Variants in SHISA6 observed in about 807,000 individuals in gnomAD.
The protein encoded by SHISA6 is shisa family member 6, also known as protein shisa-6.
A neutral mutation model predicts 47.9 loss-of-function variants in SHISA6; 22 were observed. The observed-to-expected ratio is 0.46, with a 90% CI of 0.33 to 0.66. The LOEUF (loss-of-function observed/expected upper bound fraction) is 0.66. Ranked by LOEUF, SHISA6 falls within the 30% of genes least tolerant of loss-of-function variation. The pLI is 0.02. For synonymous variants in SHISA6, 388 were observed against 337.8 expected (o/e 1.15, Z -1.63); for missense variants, 680 against 764.6 (o/e 0.89, Z 1.30).
At chr17:11,251,658 T>A (rs758761374) in intron 1 of SHISA6, among the ~76,000 whole-genome samples, 168 of 152,306 alleles carry the variant, frequency 1.1e-3, no homozygotes, top group Non-Finnish European at 1.5e-3. Context: ...GCATCGTGCA[T>A]GCAAGACACA....
At chr17:11,300,149 CAA>C (rs56060137) in intron 2 of SHISA6, among the ~76,000 whole-genome samples, 1,716 of 129,160 alleles carry the variant, frequency 0.013, 34 homozygotes, top group African/African-American at 0.045. Context: ...CATCTTAAAA[CAA>C]AAAAAAAAAA....
intron 2 of SHISA6, among the ~76,000 whole-genome samples, chr17:11,299,167 A>T (rs1909843000): frequency 6.6e-6 from 1 of 152,190 alleles, no homozygotes; most frequent in East Asian, 1.9e-4. Context: ...TGTCATTGTG[A>T]CCTCTAGTAC....
chr17:11,378,655 C>A (rs1912899185), intron 2 of SHISA6, among the ~76,000 whole-genome samples: 1 of 152,124 alleles, frequency 6.6e-6, no homozygotes, highest in South Asian at 2.1e-4. Flanking sequence ...GAATTTCTAT[C>A]CACAATCCTA....
At chr17:11,362,295 A>G (rs773752658) in intron 2 of SHISA6, among the ~76,000 whole-genome samples, 3 of 152,066 alleles carry the variant, frequency 2.0e-5, no homozygotes, top group Admixed American at 2.0e-4. Flanking sequence ...ACGTATCACA[A>G]CACTCAGCTA....
intron 2 of SHISA6, among the ~76,000 whole-genome samples, chr17:11,294,736 A>G (rs916186806): frequency 6.6e-6 from 1 of 152,162 alleles, no homozygotes; most frequent in Non-Finnish European, 1.5e-5. Flanking sequence ...AACCTTATAT[A>G]TACCCTGCAC....
intron 3 of SHISA6, among the ~76,000 whole-genome samples, chr17:11,443,417 A>C (rs1263505232): frequency 2.6e-5 from 4 of 152,216 alleles, no homozygotes; most frequent in African/African-American, 9.6e-5. Context: ...CAAAAGAAAC[A>C]ATAATAAGAT....
intron 3 of SHISA6, among the ~76,000 whole-genome samples, chr17:11,447,909 G>C (rs1248472582): frequency 6.6e-6 from 1 of 152,194 alleles, no homozygotes; most frequent in African/African-American, 2.4e-5. Context: ...GCAGACAGCA[G>C]TGGGCAGGGC....
chr17:11,356,718 C>T (rs986831926), intron 2 of SHISA6, among the ~76,000 whole-genome samples: 7 of 152,142 alleles, frequency 4.6e-5, no homozygotes, highest in Non-Finnish European at 1.0e-4. Context: ...CCTCTATAAC[C>T]AGGGGCCTGT....
intron 3 of SHISA6, among the ~76,000 whole-genome samples, chr17:11,472,542 T>G (rs1429897762): frequency 6.6e-6 from 1 of 152,210 alleles, no homozygotes; most frequent in Non-Finnish European, 1.5e-5. Flanking sequence ...ATTGTCTGGA[T>G]GTACCACAGT....
intron 3 of SHISA6, among the ~76,000 whole-genome samples, chr17:11,387,848 G>A (rs1913246087): frequency 6.6e-6 from 1 of 152,144 alleles, no homozygotes; most frequent in Non-Finnish European, 1.5e-5. Context: ...CTGCCTTCTG[G>A]TGCTGAGCTT....
At chr17:11,272,121 T>C (rs930978326) in intron 2 of SHISA6, among the ~76,000 whole-genome samples, 4 of 151,988 alleles carry the variant, frequency 2.6e-5, no homozygotes, top group African/African-American at 9.7e-5. Flanking sequence ...TTTTGGGGGG[T>C]TCTGGGAACA....
At chr17:11,265,569 A>T (rs115322074) in intron 2 of SHISA6, among the ~76,000 whole-genome samples, 1 of 151,784 alleles carries the variant, frequency 6.6e-6, no homozygotes, top group Non-Finnish European at 1.5e-5. Context: ...GTTGAACCCA[A>T]CTCTGGTATT....
At chr17:11,256,788 T>A (rs1908024145) in intron 1 of SHISA6, among the ~76,000 whole-genome samples, 1 of 152,230 alleles carries the variant, frequency 6.6e-6, no homozygotes, top group African/African-American at 2.4e-5. Flanking sequence ...AATTTTCATA[T>A]GATTAATGTA....
chr17:11,476,452 A>G (rs1916053547), intron 3 of SHISA6, among the ~76,000 whole-genome samples: 1 of 152,068 alleles, frequency 6.6e-6, no homozygotes, highest in Non-Finnish European at 1.5e-5. Context: ...CTTTTGCTGA[A>G]TCCCACAAAT....
chr17:11,427,202 C>T (rs1170921226), intron 3 of SHISA6, among the ~76,000 whole-genome samples: 1 of 152,076 alleles, frequency 6.6e-6, no homozygotes, highest in African/African-American at 2.4e-5. Context: ...GGCATAGTCT[C>T]GGCTCACTAC....
chr17:11,277,270 T>TCACA (rs1196457220), intron 2 of SHISA6, among the ~76,000 whole-genome samples: 3 of 113,986 alleles, frequency 2.6e-5, no homozygotes, highest in African/African-American at 7.5e-5. Context: ...TCTCTCTCTC[T>TCACA]CTCTCTCTCT....
chr17:11,545,153 TA>T (rs35283114), intron 3 of SHISA6, among the ~76,000 whole-genome samples: 174 of 144,276 alleles, frequency 1.2e-3, no homozygotes, highest in Non-Finnish European at 1.3e-3. Flanking sequence ...GTCGATGGTT[TA>T]AAAAAAAAAA....
intron 3 of SHISA6, among the ~76,000 whole-genome samples, chr17:11,394,279 G>A (rs185697123): frequency 6.6e-6 from 1 of 152,114 alleles, no homozygotes; most frequent in Non-Finnish European, 1.5e-5. Flanking sequence ...CCAGGTAAAT[G>A]TAGTATTAGA....
At chr17:11,292,714 C>T (rs542857145) in intron 2 of SHISA6, among the ~76,000 whole-genome samples, 4 of 151,742 alleles carry the variant, frequency 2.6e-5, no homozygotes, top group Admixed American at 6.6e-5. Flanking sequence ...AGCAAGGAGA[C>T]GAGATGAACT....
Sources: gnomAD v4.1 joint callset for allele counts (sites outside exome capture counted in the v4.1 genomes callset) on GRCh38, gnomAD v4.1.1 for gene constraint, MANE v1.5 for transcripts, NCBI Gene and HGNC (gene_info 2026-07-23, HGNC 2026-07-21) for gene names.